KDM5B: variants seen among roughly 807,000 people sequenced by gnomAD.
The protein encoded by KDM5B is lysine demethylase 5B, also known as lysine-specific demethylase 5B.
Under a neutral mutation model 193.4 loss-of-function variants are expected in KDM5B, and 144 were observed. That is an observed-to-expected ratio of 0.74 (90% confidence interval 0.65 to 0.86). The LOEUF (loss-of-function observed/expected upper bound fraction) is 0.86. KDM5B is among the 40% of genes least tolerant of loss of function. KDM5B has a pLI of 0.00. For synonymous variants in KDM5B, 668 were observed against 682.6 expected (o/e 0.98, Z 0.33); for missense variants, 1,833 against 1,886.9 (o/e 0.97, Z 0.53).
At chr1:202,739,729 G>A (rs978552834) in intron 20 of KDM5B, among the ~76,000 whole-genome samples, 4 of 152,234 alleles carry the variant, frequency 2.6e-5, no homozygotes, top group South Asian at 2.1e-4. Context: ...ATCTTGCACC[G>A]CCCTTAATCC....
At position 202,742,457 on chromosome 1, in the gene KDM5B, C is replaced by T. The variant is rs199644572; in HGVS notation, c.2523G>A (p.Glu841=). The change falls in exon 18 of 27, where the codon GAG becomes GAA. Residue 841 remains glutamate (E), a synonymous_variant. Coordinates refer to ENST00000367265, the MANE Select transcript of KDM5B (RefSeq NM_006618.5). ...ACAGCTGTGTTACAAACTGCCGGAG[C>T]TCATTCACTGTCAACTGATTTTGGG... is the stretch of plus-strand genomic sequence containing the variant. ...GKSQNQLTVN[E]LRQFVTQLYA... The T allele has an allele frequency of 1.2e-6, 2 of 1,614,126 alleles. No individual in the cohort carries two copies. Among genetic ancestry groups the T allele is most frequent in the African/African-American group, 1.3e-5 (1 of 75,060 alleles).
intron 1 of KDM5B, among the ~76,000 whole-genome samples, chr1:202,793,950 C>T (rs765134391): frequency 1.6e-4 from 25 of 152,272 alleles, no homozygotes; most frequent in Non-Finnish European, 3.1e-4. Flanking sequence ...CTGAAGCCAG[C>T]CTCCCACTGG....
At chr1:202,732,042 GAAAA>G in intron 23 of KDM5B, 103 bp from the exon 24 acceptor site, 15 of 378,888 alleles carry the variant, frequency 4.0e-5, no homozygotes, top group Non-Finnish European at 6.1e-5. Context: ...GCAACCAGGG[GAAAA>G]AAAAAAAAAA....
At chr1:202,777,789 G>A (rs1033514333) in intron 1 of KDM5B, among the ~76,000 whole-genome samples, 2 of 152,054 alleles carry the variant, frequency 1.3e-5, no homozygotes, top group African/African-American at 4.8e-5. Context: ...GTGAGCCACT[G>A]AGCCTGGCCC....
At position 202,764,030 on chromosome 1, in the gene KDM5B, C is replaced by T; in HGVS notation, c.808+19G>A. ...CTTTATTTACTTTTTCTTTCCTATT[C>T]ATTGACAAATTTTCTTACCATTTTC... is the stretch of plus-strand genomic sequence containing the variant. On this transcript the variant is annotated intron_variant, in intron 6 of 26. Coordinates refer to ENST00000367265, the MANE Select transcript of KDM5B (RefSeq NM_006618.5). The T allele has an allele frequency of 7.8e-7, 1 of 1,275,716 alleles. No individual in the cohort carries two copies. Among genetic ancestry groups the T allele is most frequent in the Non-Finnish European group, 1.1e-6 (1 of 893,214 alleles). 79.0% of individuals were successfully genotyped at this position (1,275,716 alleles called of 1,614,324 possible). A position where few individuals can be genotyped will look rare whatever the true frequency, so the allele number is the denominator to read the frequency against.
intron 1 of KDM5B, among the ~76,000 whole-genome samples, chr1:202,794,770 C>A (rs149405246): frequency 2.6e-5 from 4 of 152,204 alleles, no homozygotes; most frequent in Non-Finnish European, 5.9e-5. Flanking sequence ...CCAAGACCCC[C>A]AGTGGATGCC....
chr1:202,755,194 G>T, intron 11 of KDM5B, 77 bp downstream of exon 11: 1 of 1,098,220 alleles, frequency 9.1e-7, no homozygotes, highest in Non-Finnish European at 1.4e-6. Flanking sequence ...ACACAGTTAA[G>T]ACACATCTGC....
intron 7 of KDM5B, among the ~76,000 whole-genome samples, chr1:202,761,048 G>A (rs1451106090): frequency 6.6e-6 from 1 of 151,510 alleles, no homozygotes; most frequent in Non-Finnish European, 1.5e-5. Context: ...AAAGATACCA[G>A]GTAATACATT....
chr1:202,804,879 A>G (rs892563401), intron 1 of KDM5B, among the ~76,000 whole-genome samples: 2 of 152,026 alleles, frequency 1.3e-5, no homozygotes, highest in African/African-American at 2.4e-5. Context: ...AAAAAAAAAA[A>G]AAAGAAATTT....
chr1:202,776,974 C>T (rs772155266), intron 2 of KDM5B, 43 bp downstream of exon 2: 2 of 1,192,638 alleles, frequency 1.7e-6, no homozygotes, highest in South Asian at 2.5e-5. Context: ...CAAAGACGGT[C>T]CCCCTGGAAT....
At chr1:202,788,429 G>A (rs939082860) in intron 1 of KDM5B, among the ~76,000 whole-genome samples, 22 of 152,210 alleles carry the variant, frequency 1.4e-4, no homozygotes, top group African/African-American at 4.6e-4. Flanking sequence ...CTGTTTCTAC[G>A]GAATATTAGT....
intron 12 of KDM5B, among the ~76,000 whole-genome samples, chr1:202,752,339 TA>T (rs1655821895): frequency 6.6e-6 from 1 of 152,210 alleles, no homozygotes; most frequent in African/African-American, 2.4e-5. Context: ...TACAGCTATC[TA>T]AGGTATTCAG....
rs1468479184 is a variant in KDM5B at position 202,742,734 on chromosome 1, G to A, written c.2395C>T (p.His799Tyr). Residue 799 changes from histidine (H) to tyrosine (Y), a missense_variant, in exon 17 of 27, where the codon CAC (histidine) becomes TAC (tyrosine). Physicochemically the swap from His to Tyr is moderately conservative, Grantham distance 83. Transcript: ENST00000367265. ...KKFPDNDLLRHLRLVTQDAEK... is the reference protein window; with the variant it reads ...KKFPDNDLLRYLRLVTQDAEK... ...GCATCCTGTGTGACTAGGCGAAGGT[G>A]TCGCAAAAGATCATTGTCTGGGAAT... is the stretch of plus-strand genomic sequence containing the variant. 2.5e-6 allele frequency: 4 copies of A among 1,614,040 alleles called. No individual in the cohort carries two copies. The highest frequency in any genetic ancestry group is 3.4e-6 in the Non-Finnish European group (4 of 1,180,012).
In KDM5B at chr1:202,735,551, A is replaced by G. The variant is rs778160816; in HGVS notation, c.3301T>C (p.Leu1101=). Residue 1101 remains leucine, a synonymous_variant, in exon 22 of 27, where the codon TTG becomes CTG. Transcript: ENST00000367265. The stretch of plus-strand genomic sequence containing the variant: ...TTTAACTTTCTCTGCTTCCTTTTCA[A>G]TCCCAAAAGGCCAATATCACATCGA... ...CPRCDIGLLG[L]KRKQRKLKEP... The G allele has an allele frequency of 6.2e-7, 1 of 1,613,900 alleles. No individual in the cohort carries two copies. Among genetic ancestry groups the G allele is most frequent in the East Asian group, 2.2e-5 (1 of 44,860 alleles).
At chr1:202,804,636 A>G (rs1179157551) in intron 1 of KDM5B, among the ~76,000 whole-genome samples, 1 of 152,212 alleles carries the variant, frequency 6.6e-6, no homozygotes, top group Non-Finnish European at 1.5e-5. Flanking sequence ...AGTAACCACA[A>G]GAAGTTAAAG....
At chr1:202,801,254 A>C (rs1658061286) in intron 1 of KDM5B, among the ~76,000 whole-genome samples, 1 of 110,258 alleles carries the variant, frequency 9.1e-6, no homozygotes, top group South Asian at 3.1e-4. Flanking sequence ...ATCCGAAAGA[A>C]AGCTTAAATG....
chr1:202,733,518 G>C lies in KDM5B; in HGVS notation c.3792C>G (p.His1264Gln). 1 of 1,614,160 alleles carries C rather than the reference G, an allele frequency of 6.2e-7. No individual in the cohort carries two copies. The highest frequency in any genetic ancestry group is 8.5e-7 in the Non-Finnish European group (1 of 1,180,018). ...YMIERTVNWQ[H>Q]RAQQLLSSGN... ...CTGACGAAAGCAGTTGCTGGGCTCT[G>C]TGCTGCCAGTTCACGGTTCTTTCAA... The change falls in exon 23 of 27, where the codon CAC becomes CAG. Residue 1264 changes from histidine to glutamine, a missense_variant. Transcript: ENST00000367265.
In KDM5B at chr1:202,750,795, T is replaced by G; in HGVS notation, c.1702-17A>C. 1 of 1,609,442 alleles carries G rather than the reference T, an allele frequency of 6.2e-7. No individual in the cohort carries two copies. Among genetic ancestry groups the G allele is most frequent in the Non-Finnish European group, 8.5e-7 (1 of 1,177,602 alleles). Reference sequence around the variant, plus strand: ...TCGGTAAACCTAAAGAGACAGAAATTGAAGATTTTTGAGTTTCTTAAAGAG... The same window carrying G: ...TCGGTAAACCTAAAGAGACAGAAATGGAAGATTTTTGAGTTTCTTAAAGAG... On this transcript the variant is annotated splice_polypyrimidine_tract_variant and intron_variant, in intron 12 of 26. Transcript: ENST00000367265.
chr1:202,769,362 TA>T, intron 4 of KDM5B, among the ~76,000 whole-genome samples: 1 of 150,540 alleles, frequency 6.6e-6, no homozygotes, highest in East Asian at 2.0e-4. Flanking sequence ...TCTTAATAGT[TA>T]AGCACTTACA....
Sources: gnomAD v4.1 joint callset for allele counts (sites outside exome capture counted in the v4.1 genomes callset) on GRCh38, gnomAD v4.1.1 for gene constraint, MANE v1.5 for transcripts, NCBI Gene and HGNC (gene_info 2026-07-23, HGNC 2026-07-21) for gene names.